CECR2: variants seen among roughly 807,000 people sequenced by gnomAD.
The protein encoded by CECR2 is chromatin remodeling regulator CECR2.
A neutral mutation model predicts 154.5 loss-of-function variants in CECR2; 30 were observed. The observed-to-expected ratio is 0.19, with a 90% CI of 0.15 to 0.26. The LOEUF is 0.26. CECR2 is among the 10% of genes least tolerant of loss of function. CECR2 has a pLI of 1.00. For missense variants in CECR2, 1,743 were observed against 1,829.3 expected (o/e 0.95, Z 0.86); for synonymous variants, 725 against 683.7 (o/e 1.06, Z -0.94).
chr22:17,365,062 T>C (rs1955955819), upstream of CECR2, among the ~76,000 whole-genome samples: 1 of 151,900 alleles, frequency 6.6e-6, no homozygotes, highest in Non-Finnish European at 1.5e-5. Context: ...CTATCTCTAC[T>C]AAAAATACAA....
chr22:17,385,722 C>A (rs1208889945), intron 1 of CECR2, among the ~76,000 whole-genome samples: 1 of 152,170 alleles, frequency 6.6e-6, no homozygotes, highest in African/African-American at 2.4e-5. Context: ...GATAGACTTG[C>A]TACTCGCAGG....
intron 1 of CECR2, among the ~76,000 whole-genome samples, chr22:17,388,847 T>G (rs1473277819): frequency 6.6e-6 from 1 of 152,124 alleles, no homozygotes; most frequent in Non-Finnish European, 1.5e-5. Flanking sequence ...GGAGTCTCAC[T>G]CTGTCGCCCA....
intron 1 of CECR2, among the ~76,000 whole-genome samples, chr22:17,469,280 C>T (rs1420331334): frequency 6.6e-6 from 1 of 152,144 alleles, no homozygotes; most frequent in African/African-American, 2.4e-5. Context: ...TACACTGTTG[C>T]ATTGGGGATT....
chr22:17,436,283 T>A (rs2054505883), intron 1 of CECR2, among the ~76,000 whole-genome samples: 1 of 152,230 alleles, frequency 6.6e-6, no homozygotes, highest in Admixed American at 6.5e-5. Context: ...TACCATTTGC[T>A]GTTAGCTTAA....
At chr22:17,387,661 T>C (rs1301331540) in intron 1 of CECR2, among the ~76,000 whole-genome samples, 1 of 152,206 alleles carries the variant, frequency 6.6e-6, no homozygotes, top group Non-Finnish European at 1.5e-5. Context: ...CACAAGATCG[T>C]ACTTTTCTAT....
intron 8 of CECR2, among the ~76,000 whole-genome samples, chr22:17,517,764 G>C (rs1337577765): frequency 6.6e-6 from 1 of 152,216 alleles, no homozygotes; most frequent in Non-Finnish European, 1.5e-5. Context: ...GCTTCTTAAA[G>C]TAGTTTTTAC....
In CECR2 at chr22:17,513,438, A is replaced by G. The variant is rs7364138; in HGVS notation, c.954+1542A>G. Among the ~76,000 whole-genome samples the G allele has an allele frequency of 5.0e-3, 758 of 152,326 alleles. 6 individuals are homozygous for G. Among genetic ancestry groups the G allele is most frequent in the African/African-American group, 0.016 (682 of 41,568 alleles). On this transcript the variant is annotated intron_variant, in intron 8 of 18. Transcript: ENST00000262608. ...AATTTGAGTGACGACACGATGTTCTATTACAGAGATCTTGTCAGTAACTAA... is the reference window on the plus strand; with the variant it reads ...AATTTGAGTGACGACACGATGTTCTGTTACAGAGATCTTGTCAGTAACTAA...
intron 18 of CECR2, 125 bp from the exon 19 acceptor site, chr22:17,552,710 C>G: frequency 2.2e-6 from 2 of 902,350 alleles, no homozygotes; most frequent in Non-Finnish European, 3.3e-6. Flanking sequence ...TAAACTGTAA[C>G]TGATGAAACA....
intron 1 of CECR2, among the ~76,000 whole-genome samples, chr22:17,381,699 G>A (rs1480400763): frequency 6.6e-6 from 1 of 152,052 alleles, no homozygotes; most frequent in Non-Finnish European, 1.5e-5. Context: ...GTCGAAAAGG[G>A]GCAGGGCAGC....
chr22:17,543,592 C>A (rs2056565647), intron 16 of CECR2, among the ~76,000 whole-genome samples: 1 of 151,434 alleles, frequency 6.6e-6, no homozygotes, highest in African/African-American at 2.4e-5. Context: ...GACAGAGTCC[C>A]ACTCTTGCCC....
chr22:17,368,452 G>A (rs1446054575), upstream of CECR2, among the ~76,000 whole-genome samples: 1 of 152,190 alleles, frequency 6.6e-6, no homozygotes, highest in Non-Finnish European at 1.5e-5. Context: ...AAATATCTGA[G>A]CATTCAATGG....
intron 1 of CECR2, among the ~76,000 whole-genome samples, chr22:17,427,817 G>A (rs1479819250): frequency 6.6e-6 from 1 of 152,138 alleles, no homozygotes; most frequent in African/African-American, 2.4e-5. Flanking sequence ...CTAGACAGAA[G>A]TTTTCCAAGT....
chr22:17,480,459 C>CACACACACACAGAG (rs373106595), intron 2 of CECR2, among the ~76,000 whole-genome samples: 2,655 of 143,574 alleles, frequency 0.018, 55 homozygotes, highest in Non-Finnish European at 0.027. Flanking sequence ...CACACACACA[C>CACACACACACAGAG]AGAGAAAAGT....
At chr22:17,394,042 C>T (rs1365385535) in intron 1 of CECR2, among the ~76,000 whole-genome samples, 5 of 151,718 alleles carry the variant, frequency 3.3e-5, no homozygotes, top group African/African-American at 7.3e-5. Flanking sequence ...CATGCAGCAC[C>T]AGGCCTGGCT....
chr22:17,393,574 C>A (rs2053762965), intron 1 of CECR2, among the ~76,000 whole-genome samples: 1 of 152,166 alleles, frequency 6.6e-6, no homozygotes, highest in South Asian at 2.1e-4. Flanking sequence ...GAGGCTTCAC[C>A]TGTGAACTGC....
At chr22:17,469,461 A>G (rs1326069301) in intron 1 of CECR2, among the ~76,000 whole-genome samples, 1 of 152,218 alleles carries the variant, frequency 6.6e-6, no homozygotes, top group Non-Finnish European at 1.5e-5. Flanking sequence ...CTGATAAAGT[A>G]TTCTTGGCCC....
At chr22:17,363,757 T>A (rs550002773) in intron 1 of CECR2, among the ~76,000 whole-genome samples, 1 of 152,264 alleles carries the variant, frequency 6.6e-6, no homozygotes, top group South Asian at 2.1e-4. Context: ...CACCTCAGCA[T>A]CTGGAGTAAC....
At chr22:17,426,615 C>T (rs867371658) in intron 1 of CECR2, among the ~76,000 whole-genome samples, 7 of 152,232 alleles carry the variant, frequency 4.6e-5, no homozygotes, top group Middle Eastern at 3.2e-3. Context: ...CCTCAGCCTC[C>T]CAAAGTGTTG....
At chr22:17,376,826 T>C (rs5747078) in intron 1 of CECR2, among the ~76,000 whole-genome samples, 28,634 of 151,758 alleles carry the variant, frequency 0.19, 3,564 homozygotes, top group African/African-American at 0.36. Context: ...TTAGGAGAGA[T>C]GGGGTTTCGC....
Sources: allele counts gnomAD v4.1 joint callset (sites outside exome capture counted in the v4.1 genomes callset), GRCh38; gene constraint gnomAD v4.1.1; transcripts MANE v1.5; gene names NCBI Gene and HGNC (gene_info 2026-07-23, HGNC 2026-07-21).